CSNK1E: variants seen among roughly 807,000 people sequenced by gnomAD.
The protein encoded by CSNK1E is casein kinase I isoform epsilon.
CSNK1E carries 17 observed loss-of-function variants against 46.1 expected under a neutral mutation model. The observed-to-expected ratio is 0.37, with a 90% CI of 0.25 to 0.55. CSNK1E has a LOEUF of 0.55. CSNK1E is among the 20% of genes least tolerant of loss of function. The pLI is 0.82. For missense variants in CSNK1E, 386 were observed against 595.4 expected (o/e 0.65, Z 3.66); for synonymous variants, 241 against 242.6 (o/e 0.99, Z 0.06).
intron 2 of CSNK1E, among the ~76,000 whole-genome samples, chr22:38,311,722 C>T (rs564139073): frequency 1.6e-4 from 24 of 152,210 alleles, no homozygotes; most frequent in African/African-American, 5.1e-4. Flanking sequence ...GATATGGTGA[C>T]TTACTCCAGG....
intron 10 of CSNK1E, 124 bp downstream of exon 10, chr22:38,293,131 C>T (rs12484542): frequency 0.037 from 29,034 of 789,678 alleles, 1,004 homozygotes; most frequent in Admixed American, 0.14. Flanking sequence ...AGTTCTGGGG[C>T]GCCTGGTACC....
chr22:38,301,059 T>C lies in CSNK1E; in HGVS notation c.337-107A>G, dbSNP rs932282931. ...GTGGAAAGGCAGAGGGAGAAAGGCC[T>C]GCCTTCGACCATGAAGGATAACTAA... is the stretch of plus-strand genomic sequence containing the variant. On this transcript the variant is annotated intron_variant, in intron 4 of 10. Coordinates refer to ENST00000396832, the MANE Select transcript of CSNK1E (RefSeq NM_152221.3). The C allele has an allele frequency of 3.3e-6, 3 of 898,168 alleles. No homozygotes were observed. In the African/African-American group the frequency reaches 5.0e-5, roughly 15 times the overall value. 55.6% of individuals were successfully genotyped at this position (898,168 alleles called of 1,614,324 possible).
rs2092670161 is a variant in CSNK1E at position 38,301,191 on chromosome 22, A to G, written c.337-239T>C. On this transcript the variant is annotated intron_variant, in intron 4 of 10. Coordinates refer to ENST00000396832, the MANE Select transcript of CSNK1E (RefSeq NM_152221.3). ...ACAGAGAAAGAGAGTATTGCAGGAAAGCTAATGGGAAGATCCAGAAATGAA... is the reference window on the plus strand; with the variant it reads ...ACAGAGAAAGAGAGTATTGCAGGAAGGCTAATGGGAAGATCCAGAAATGAA... 3.3e-5 allele frequency among the ~76,000 whole-genome samples: 5 copies of G among 152,206 alleles called. No individual in the cohort carries two copies. The South Asian group carries it at 1.0e-3, about 31-fold the overall frequency.
At chr22:38,297,988 G>T (rs368735734) in intron 7 of CSNK1E, 3 of 1,134,326 alleles carry the variant, frequency 2.6e-6, no homozygotes, top group Non-Finnish European at 1.1e-6. Context: ...GTGCCCAGGG[G>T]AGCCGGGCAC....
Position 38,300,770 on chromosome 22 carries a change from C to A in CSNK1E, c.519G>T (p.Leu173=). The change falls in exon 5 of 11, where the codon CTG becomes CTT. Residue 173 remains leucine (L), a synonymous_variant. Transcript: ENST00000396832. This position sits in a 1 kb window ranked among gnomAD's most constrained non-coding sequence, Gnocchi z 4.4. ...TGGAAGCGTAGCGGGCCGTGCCGGT[C>A]AGGTTCTTGTTTTCCCGGTAGGGAA... ...QHIPYRENKN[L]TGTARYASIN... is the part of the protein sequence containing the mutation. 6.2e-7 allele frequency: 1 copy of A among 1,614,170 alleles called. No homozygotes were observed. The highest frequency in any genetic ancestry group is 8.5e-7 in the Non-Finnish European group (1 of 1,180,026).
chr22:38,310,702 C>T (rs1160794743), intron 2 of CSNK1E, among the ~76,000 whole-genome samples: 3 of 152,216 alleles, frequency 2.0e-5, no homozygotes, highest in Non-Finnish European at 4.4e-5. Flanking sequence ...AGTGCCTTAA[C>T]AAAGCAGGCC....
intron 2 of CSNK1E, among the ~76,000 whole-genome samples, chr22:38,310,957 C>T (rs1430222707): frequency 6.6e-6 from 1 of 152,194 alleles, no homozygotes; most frequent in Admixed American, 6.5e-5. Flanking sequence ...GTCCCCAAAC[C>T]AACAAGACAG....
rs2092686254 is a variant in CSNK1E at position 38,303,814 on chromosome 22, CAG to C, written c.77-568_77-567del. Among the ~76,000 whole-genome samples the C allele has an allele frequency of 6.6e-6, 1 of 152,168 alleles. No individual in the cohort carries two copies. The highest frequency in any genetic ancestry group is 2.4e-5 in the African/African-American group (1 of 41,426). On this transcript the variant is annotated intron_variant, in intron 2 of 10. Transcript: ENST00000396832. The surrounding 1 kb of genome is among the most constrained non-coding windows in gnomAD (Gnocchi z 4.7). Reference sequence around the variant, plus strand: ...CAACCCCCTTGTAGAGATGAGAAAACAGAGACCCAGCTAGAGACCCAGCTCAA... The same window carrying C: ...CAACCCCCTTGTAGAGATGAGAAAACAGACCCAGCTAGAGACCCAGCTCAA...
chr22:38,317,924 A>G (rs2092756889), upstream of CSNK1E: 1 of 152,204 alleles, frequency 6.6e-6, no homozygotes, highest in South Asian at 2.1e-4. Flanking sequence ...TCAGGGCAAG[A>G]GATTTGAGGA....
intron 2 of CSNK1E, among the ~76,000 whole-genome samples, chr22:38,305,787 G>A (rs1282423861): frequency 3.9e-5 from 6 of 152,068 alleles, no homozygotes; most frequent in African/African-American, 9.7e-5. Flanking sequence ...CCTGTCTGTC[G>A]GCAAGACTGT....
In CSNK1E at chr22:38,298,100, G is replaced by T; in HGVS notation, c.885+686C>A. 1.6e-6 allele frequency: 2 copies of T among 1,252,232 alleles called. No homozygotes were observed. Among genetic ancestry groups the T allele is most frequent in the Non-Finnish European group, 2.1e-6 (2 of 963,132 alleles). The allele number at this position is 1,252,232 out of a possible 1,614,324, so 77.6% of individuals were successfully genotyped here. ...GACCTCAGAGGATCCTTACCAGTAC[G>T]TGGGTGAGTACGTGGGCCCAGCACA... On this transcript the variant is annotated intron_variant, in intron 7 of 10. Coordinates refer to ENST00000396832, the MANE Select transcript of CSNK1E (RefSeq NM_152221.3). This position sits in a 1 kb window ranked among gnomAD's most constrained non-coding sequence, Gnocchi z 4.2.
At chr22:38,304,173 T>C (rs1329765471) in intron 2 of CSNK1E, among the ~76,000 whole-genome samples, 1 of 150,562 alleles carries the variant, frequency 6.6e-6, no homozygotes, top group Non-Finnish European at 1.5e-5. Context: ...GCAGGAGGAG[T>C]AGGACAGTGT....
chr22:38,316,363 G>A (rs2092745849), intron 1 of CSNK1E, among the ~76,000 whole-genome samples: 2 of 152,144 alleles, frequency 1.3e-5, no homozygotes, highest in Admixed American at 6.5e-5. Context: ...AGACACTTGT[G>A]TCCCCTTCTC....
At chr22:38,299,667 G>A (rs760533038) in intron 6 of CSNK1E, among the ~76,000 whole-genome samples, 2 of 152,242 alleles carry the variant, frequency 1.3e-5, no homozygotes, top group Admixed American at 6.5e-5. Context: ...GGGATTACAG[G>A]TGGGGCTAAT....
chr22:38,299,636 G>C (rs2092660283), intron 6 of CSNK1E, among the ~76,000 whole-genome samples: 1 of 152,228 alleles, frequency 6.6e-6, no homozygotes, highest in South Asian at 2.1e-4. Flanking sequence ...CAATTCTCCT[G>C]CCTCAGCCTC....
At chr22:38,293,364 G>T in intron 9 of CSNK1E, 45 bp from the exon 10 acceptor site, 1 of 1,262,474 alleles carries the variant, frequency 7.9e-7, no homozygotes, top group Non-Finnish European at 1.1e-6. Flanking sequence ...GAGAGAGGGA[G>T]GTACAAGCTT....
At chr22:38,301,252 G>T (rs754468583) in intron 4 of CSNK1E, among the ~76,000 whole-genome samples, 2 of 152,226 alleles carry the variant, frequency 1.3e-5, no homozygotes, top group Non-Finnish European at 2.9e-5. Context: ...CCCCATGGAA[G>T]GCTTGCCTGC....
In CSNK1E at chr22:38,309,824, T is replaced by C. The variant is rs1220450709; in HGVS notation, c.76+4258A>G. ...GGTCAAATGATCATATGCTACAAAC[T>C]TCCCAGGGACAGGGACCCAAGCTGC... On this transcript the variant is annotated intron_variant, in intron 2 of 10. Coordinates refer to ENST00000396832, the MANE Select transcript of CSNK1E (RefSeq NM_152221.3). This position sits in a 1 kb window ranked among gnomAD's most constrained non-coding sequence, Gnocchi z 4.8. Among the ~76,000 whole-genome samples the C allele has an allele frequency of 6.6e-6, 1 of 152,182 alleles. No individual in the cohort carries two copies. Among genetic ancestry groups the C allele is most frequent in the Non-Finnish European group, 1.5e-5 (1 of 68,026 alleles).
intron 2 of CSNK1E, among the ~76,000 whole-genome samples, chr22:38,312,893 CAT>C (rs1050690522): frequency 6.6e-6 from 1 of 152,204 alleles, no homozygotes; most frequent in Non-Finnish European, 1.5e-5. Flanking sequence ...CGCTCTCACT[CAT>C]GTGGAGGGCT....
Sources: allele counts gnomAD v4.1 joint callset (sites outside exome capture counted in the v4.1 genomes callset), GRCh38; gene constraint gnomAD v4.1.1; non-coding constraint Gnocchi (gnomAD v3.1); transcripts MANE v1.5; gene names NCBI Gene and HGNC (gene_info 2026-07-23, HGNC 2026-07-21).